The following E2F7 variants were observed in gnomAD, a reference collection of about 807,000 sequenced individuals.
E2F7 encodes E2F transcription factor 7, also known as transcription factor E2F7.
Under a neutral mutation model 81.1 loss-of-function variants are expected in E2F7, and 35 were observed. The observed-to-expected ratio is 0.43, with a 90% confidence interval of 0.33 to 0.57. The LOEUF (loss-of-function observed/expected upper bound fraction) is 0.57. E2F7 is among the 20% of genes least tolerant of loss of function. E2F7 has a pLI of 0.04. For missense variants in E2F7, 961 were observed against 1,093.7 expected (o/e 0.88, Z 1.71); for synonymous variants, 416 against 416.2 (o/e 1.00, Z 0.01).
chr12:77,058,809 G>A lies in E2F7; in HGVS notation c.94-2679C>T, dbSNP rs186328326. Among the ~76,000 whole-genome samples, 26 of 151,966 alleles carry A rather than the reference G, an allele frequency of 1.7e-4. No individual in the cohort carries two copies. In the South Asian group the frequency reaches 4.2e-3, roughly 24 times the overall value. ...TTATTACCATTCACTCTGGCATTTC[G>A]AGCTAAATATACTACAGCACATCAT... On this transcript the variant is annotated intron_variant, in intron 2 of 12. Transcript: ENST00000322886.
intron 2 of E2F7, among the ~76,000 whole-genome samples, chr12:77,057,167 C>T (rs938697170): frequency 6.6e-6 from 1 of 152,124 alleles, no homozygotes; most frequent in Non-Finnish European, 1.5e-5. Context: ...ATCTTCCCAC[C>T]TCAGCCTCCC....
chr12:77,027,625 G>A (rs1384207777), intron 11 of E2F7, among the ~76,000 whole-genome samples: 2 of 152,122 alleles, frequency 1.3e-5, no homozygotes. Flanking sequence ...GAATTACCGT[G>A]CTTTTTCACC....
intron 7 of E2F7, among the ~76,000 whole-genome samples, 155 bp downstream of exon 7, chr12:77,042,910 G>C (rs1954905258): frequency 1.3e-5 from 2 of 152,152 alleles, no homozygotes; most frequent in South Asian, 4.1e-4. Flanking sequence ...ACAATTTGTA[G>C]GCTAATGTTA....
chr12:77,043,141 C>T lies in E2F7; in HGVS notation c.1047G>A (p.Lys349=). 6.2e-7 allele frequency: 1 copy of T among 1,614,200 alleles called. No homozygotes were observed. The highest frequency in any genetic ancestry group is 8.5e-7 in the Non-Finnish European group (1 of 1,180,034). ...CTCGCTCTTCTGTTACATGCACTTT[C>T]TTTATCAGAGCCAAGCTGGTCAGAA... The part of the protein sequence containing the change: ...ANVLTSLALI[K]KVHVTEERGR... The change falls in exon 7 of 13, where the codon AAG becomes AAA. Residue 349 remains lysine (K), a synonymous_variant. Coordinates refer to ENST00000322886, the MANE Select transcript of E2F7 (RefSeq NM_203394.3).
rs552578954 is a variant in E2F7 at position 77,030,363 on chromosome 12, G to A, written c.1383-31C>T. 7.3e-6 allele frequency: 11 copies of A among 1,515,598 alleles called. No individual in the cohort carries two copies. The East Asian group carries it at 2.0e-4, about 28-fold the overall frequency. 93.9% of individuals were successfully genotyped at this position (1,515,598 alleles called of 1,614,324 possible). ...ATAAAAAAGAAACGTAACGAAGTTA[G>A]CACATTCTACCAACTCCTGACCCTT... On this transcript the variant is annotated intron_variant, in intron 9 of 12. Coordinates refer to ENST00000322886, the MANE Select transcript of E2F7 (RefSeq NM_203394.3).
At chr12:77,057,536 T>C (rs1374892645) in intron 2 of E2F7, among the ~76,000 whole-genome samples, 2 of 152,138 alleles carry the variant, frequency 1.3e-5, no homozygotes, top group Non-Finnish European at 2.9e-5. Context: ...TGCTTAACTC[T>C]CAAGTTCCGT....
chr12:77,058,712 T>C (rs1330286422), intron 2 of E2F7, among the ~76,000 whole-genome samples: 1 of 152,208 alleles, frequency 6.6e-6, no homozygotes, highest in Non-Finnish European at 1.5e-5. Flanking sequence ...TCAAGGGTTA[T>C]GAGATTAGTT....
intron 5 of E2F7, chr12:77,045,640 T>G (rs188029233): frequency 7.2e-4 from 117 of 162,596 alleles, no homozygotes; most frequent in African/African-American, 2.7e-3. Flanking sequence ...TATCAACATT[T>G]TCTGTGAATG....
In E2F7 at chr12:77,021,418, C is replaced by G. The variant is rs1954709326; in HGVS notation, c.*2597G>C. 1 of 152,538 alleles carries G rather than the reference C, an allele frequency of 6.6e-6. No homozygotes were observed. Among genetic ancestry groups the G allele is most frequent in the South Asian group, 2.1e-4 (1 of 4,820 alleles). 9.4% of individuals were successfully genotyped at this position (152,538 alleles called of 1,614,324 possible). On this transcript the variant is annotated 3_prime_UTR_variant, in exon 13 of 13. Transcript: ENST00000322886. Reference sequence around the variant, plus strand: ...AGAGCAGAGCTAAATAATAAGAAAACAAAAGCAGTAAGCAGCAATAAAATT... The same window carrying G: ...AGAGCAGAGCTAAATAATAAGAAAAGAAAAGCAGTAAGCAGCAATAAAATT...
Position 77,055,904 on chromosome 12 carries a change from A to G in E2F7, c.320T>C (p.Leu107Pro). Residue 107 changes from leucine to proline, a missense_variant, in exon 3 of 13, where the codon CTA becomes CCA. Around this residue, in one of 3 missense-constraint regions of E2F7, gnomAD observed 301 missense variants for 405.0 expected, o/e 0.74. Coordinates refer to ENST00000322886, the MANE Select transcript of E2F7 (RefSeq NM_203394.3). ...GTCCTTGTTTTCAATGGGTCGGAAT[A>G]GTCCCTTTTTCTTCTCCCGGTCCCT... ...DIRDREKKKGLFRPIENKDDA... is the reference protein window; with the variant it reads ...DIRDREKKKGPFRPIENKDDA... 6.2e-7 allele frequency: 1 copy of G among 1,614,150 alleles called. No homozygotes were observed. The highest frequency in any genetic ancestry group is 8.5e-7 in the Non-Finnish European group (1 of 1,180,004).
At chr12:77,050,068 AGTT>A (rs754938447) in intron 4 of E2F7, among the ~76,000 whole-genome samples, 65 of 152,242 alleles carry the variant, frequency 4.3e-4, no homozygotes, top group Admixed American at 6.5e-4. Context: ...TATAAGGTTT[AGTT>A]GTTTGAGTTA....
At chr12:77,044,397 T>C (rs1954922011) in intron 6 of E2F7, 1 of 581,352 alleles carries the variant, frequency 1.7e-6, no homozygotes, top group Admixed American at 2.6e-5. Flanking sequence ...GTTCTCAGGA[T>C]AGTGTTCTGT....
Position 77,023,977 on chromosome 12 carries a change from GGGC to G in E2F7, c.*35_*37del, listed in dbSNP as rs752138313. ...CCGCCTCGGACATCCGGGACTCTCA[GGGC>G]GTTTGATCCCACCCCCACCTGGCAA... is the stretch of plus-strand genomic sequence containing the variant. On this transcript the variant is annotated 3_prime_UTR_variant, in exon 13 of 13. Coordinates refer to ENST00000322886, the MANE Select transcript of E2F7 (RefSeq NM_203394.3). The G allele has an allele frequency of 1.1e-5, 18 of 1,604,950 alleles. No individual in the cohort carries two copies. The highest frequency in any genetic ancestry group is 1.4e-5 in the Non-Finnish European group (16 of 1,176,492).
intron 2 of E2F7, among the ~76,000 whole-genome samples, chr12:77,061,180 T>G (rs1955075792): frequency 6.6e-6 from 1 of 152,240 alleles, no homozygotes; most frequent in Non-Finnish European, 1.5e-5. Context: ...ACCTGTATGC[T>G]GACAATTCCT....
At chr12:77,051,200 A>T (rs1180743901) in intron 3 of E2F7, among the ~76,000 whole-genome samples, 1 of 152,162 alleles carries the variant, frequency 6.6e-6, no homozygotes, top group African/African-American at 2.4e-5. Flanking sequence ...TATATTTTAC[A>T]ATCGACCAAA....
chr12:77,029,373 GGA>G (rs1954784985), intron 10 of E2F7, among the ~76,000 whole-genome samples: 1 of 152,114 alleles, frequency 6.6e-6, no homozygotes, highest in Admixed American at 6.6e-5. Context: ...TTGAAGCTAG[GGA>G]AACAGGATCA....
At chr12:77,060,215 T>C (rs1955067463) in intron 2 of E2F7, among the ~76,000 whole-genome samples, 1 of 152,026 alleles carries the variant, frequency 6.6e-6, no homozygotes, top group Non-Finnish European at 1.5e-5. Flanking sequence ...ACCCTGGAAA[T>C]CACTCCCTCC....
intron 7 of E2F7, 55 bp from the exon 8 acceptor site, chr12:77,034,097 T>A: frequency 6.6e-7 from 1 of 1,505,502 alleles, no homozygotes; most frequent in Non-Finnish European, 9.0e-7. Flanking sequence ...TCAGGATAAT[T>A]TTCGTCTATT....
At chr12:77,061,891 T>C (rs1955081332) in intron 2 of E2F7, among the ~76,000 whole-genome samples, 1 of 152,252 alleles carries the variant, frequency 6.6e-6, no homozygotes, top group Non-Finnish European at 1.5e-5. Flanking sequence ...CTTGCTTTCT[T>C]GTAGGTTGAG....
Sources: allele counts gnomAD v4.1 joint callset (sites outside exome capture counted in the v4.1 genomes callset), GRCh38; gene constraint gnomAD v4.1.1; regional missense constraint gnomAD v4.1.1; transcripts MANE v1.5; gene names NCBI Gene and HGNC (gene_info 2026-07-23, HGNC 2026-07-21).